The following FYN variants were observed in gnomAD, a reference collection of about 807,000 sequenced individuals.
FYN encodes the protein tyrosine-protein kinase Fyn.
In FYN, 10 loss-of-function variants were observed where a neutral mutation model predicts 70.2. The ratio of observed to expected loss-of-function variants is 0.14; its 90% CI spans 0.09 to 0.24. The LOEUF (loss-of-function observed/expected upper bound fraction) is 0.24. Ranked by LOEUF, FYN falls within the 10% of genes least tolerant of loss-of-function variation. FYN has a pLI of 1.00. For missense variants in FYN, 319 were observed against 673.1 expected (o/e 0.47, Z 5.82); for synonymous variants, 236 against 248.6 (o/e 0.95, Z 0.48).
intron 2 of FYN, among the ~76,000 whole-genome samples, chr6:111,786,147 T>C (rs1021998575): frequency 2.0e-5 from 3 of 152,102 alleles, no homozygotes; most frequent in Non-Finnish European, 4.4e-5. Context: ...GCCATGTTGG[T>C]GTGCTGCACC....
intron 2 of FYN, among the ~76,000 whole-genome samples, chr6:111,795,923 A>G (rs1344542368): frequency 6.6e-6 from 1 of 152,234 alleles, no homozygotes; most frequent in East Asian, 1.9e-4. Context: ...TAGTTAGGCA[A>G]TAAATAAGGG....
At chr6:111,762,172 C>T (rs186396243) in intron 3 of FYN, among the ~76,000 whole-genome samples, 18 of 152,270 alleles carry the variant, frequency 1.2e-4, no homozygotes, top group Admixed American at 4.6e-4. Flanking sequence ...TGGCTTTCCA[C>T]GAGCAGCAGC....
chr6:111,822,626 T>TTA (rs769160247), intron 2 of FYN, among the ~76,000 whole-genome samples: 45 of 150,596 alleles, frequency 3.0e-4, no homozygotes, highest in Admixed American at 1.1e-3. Flanking sequence ...ACTTAAAGTA[T>TTA]TATATATATA....
intron 2 of FYN, among the ~76,000 whole-genome samples, chr6:111,796,555 T>A (rs1357839147): frequency 6.6e-6 from 1 of 152,246 alleles, no homozygotes; most frequent in Non-Finnish European, 1.5e-5. Flanking sequence ...ATCCCTGTCC[T>A]GAAGCAACGC....
At chr6:111,864,199 C>T (rs1168413084) in intron 1 of FYN, among the ~76,000 whole-genome samples, 1 of 152,142 alleles carries the variant, frequency 6.6e-6, no homozygotes, top group Non-Finnish European at 1.5e-5. Flanking sequence ...AGATACTAGG[C>T]TGGGAGCTGC....
In FYN at chr6:111,661,988, C is replaced by T. The variant is rs1797752858; in HGVS notation, c.1406-41G>A. Reference sequence around the variant, plus strand: ...CAGTGAGAGTGGGCACCCCGGGGATCCAGGCCCTGACCGCCGCACTTGCAG... The same window carrying T: ...CAGTGAGAGTGGGCACCCCGGGGATTCAGGCCCTGACCGCCGCACTTGCAG... On this transcript the variant is annotated intron_variant, in intron 13 of 13. Coordinates refer to ENST00000354650, the MANE Select transcript of FYN (RefSeq NM_002037.5). The surrounding 1 kb of genome is among the most constrained non-coding windows in gnomAD (Gnocchi z 4.0). 2 of 1,524,126 alleles carry T rather than the reference C, an allele frequency of 1.3e-6. No homozygotes were observed. Among genetic ancestry groups the T allele is most frequent in the Admixed American group, 1.9e-5 (1 of 52,426 alleles). The allele number at this position is 1,524,126 out of a possible 1,614,324, so 94.4% of individuals were successfully genotyped here.
chr6:111,830,309 T>C (rs1772975585), intron 2 of FYN, among the ~76,000 whole-genome samples: 2 of 152,158 alleles, frequency 1.3e-5, no homozygotes, highest in Non-Finnish European at 2.9e-5. Flanking sequence ...GCAAGGAACC[T>C]GGAAAAATAG....
At chr6:111,707,472 GTCTTTTCAGCAC>G (rs1308679397) in intron 6 of FYN, among the ~76,000 whole-genome samples, 1 of 152,196 alleles carries the variant, frequency 6.6e-6, no homozygotes, top group Non-Finnish European at 1.5e-5. Flanking sequence ...CATAGAAGGT[GTCTTTTCAGCAC>G]TCTTTTAATA....
Position 111,708,201 on chromosome 6 carries a change from AGTCAG to A in FYN, c.345-186_345-182del, listed in dbSNP as rs200637208. The stretch of plus-strand genomic sequence containing the variant: ...GTGAAGGTCAGAAGGTTCCAGTTCG[AGTCAG>A]CCATGAGATGAACCCACAGTTGTCT... On this transcript the variant is annotated intron_variant, in intron 5 of 13. Transcript: ENST00000354650. 4,081 of 551,032 alleles carry A rather than the reference AGTCAG, an allele frequency of 7.4e-3. 34 individuals carry two copies. The highest frequency in any genetic ancestry group is 0.011 in the South Asian group (467 of 43,212). The allele number at this position is 551,032 out of a possible 1,614,324, so 34.1% of individuals were successfully genotyped here. A position where few individuals can be genotyped will look rare whatever the true frequency, so the allele number is the denominator to read the frequency against.
intron 12 of FYN, among the ~76,000 whole-genome samples, chr6:111,689,022 T>C (rs1799180752): frequency 6.6e-6 from 1 of 152,218 alleles, no homozygotes; most frequent in Non-Finnish European, 1.5e-5. Context: ...AAAAACTTTT[T>C]AGACTGTTTT....
intron 3 of FYN, among the ~76,000 whole-genome samples, chr6:111,726,285 AACTAAT>A (rs1562492897): frequency 6.6e-6 from 1 of 152,182 alleles, no homozygotes; most frequent in Non-Finnish European, 1.5e-5. Context: ...AGCAGCAGAA[AACTAAT>A]ACATGTTTTG....
intron 12 of FYN, among the ~76,000 whole-genome samples, chr6:111,678,157 G>A (rs546871624): frequency 6.9e-6 from 1 of 145,978 alleles, no homozygotes; most frequent in East Asian, 2.0e-4. Flanking sequence ...TGTGGTGTGT[G>A]TACTTGGAAG....
intron 2 of FYN, among the ~76,000 whole-genome samples, chr6:111,829,319 C>G (rs1772939159): frequency 6.6e-6 from 1 of 152,162 alleles, no homozygotes. Flanking sequence ...GATTTCTCAC[C>G]TGATGTGTGG....
At chr6:111,822,689 A>T (rs1772708046) in intron 2 of FYN, among the ~76,000 whole-genome samples, 1 of 151,594 alleles carries the variant, frequency 6.6e-6, no homozygotes, top group Admixed American at 6.6e-5. Context: ...ATAAATAATA[A>T]ATTTAAAAAA....
intron 2 of FYN, among the ~76,000 whole-genome samples, chr6:111,783,802 G>A (rs930306340): frequency 3.3e-5 from 5 of 152,314 alleles, no homozygotes; most frequent in Admixed American, 6.5e-5. Context: ...GAGTGGGGGC[G>A]GGACAGTCCA....
chr6:111,864,245 A>T (rs931761769), intron 1 of FYN, among the ~76,000 whole-genome samples: 1 of 152,170 alleles, frequency 6.6e-6, no homozygotes, highest in Non-Finnish European at 1.5e-5. Flanking sequence ...TTACAATCTC[A>T]TTAAAGAGAT....
intron 2 of FYN, among the ~76,000 whole-genome samples, chr6:111,838,286 G>A (rs1773251095): frequency 6.6e-6 from 1 of 152,180 alleles, no homozygotes; most frequent in Non-Finnish European, 1.5e-5. Flanking sequence ...TCACAGTAGT[G>A]ACTGACTAAG....
chr6:111,794,562 C>T (rs575216390), intron 2 of FYN, among the ~76,000 whole-genome samples: 1 of 152,324 alleles, frequency 6.6e-6, no homozygotes, highest in East Asian at 1.9e-4. Context: ...ATCTGGCCTG[C>T]TGCCTGCTTT....
intron 2 of FYN, among the ~76,000 whole-genome samples, chr6:111,783,058 G>A (rs566007648): frequency 2.2e-4 from 33 of 152,292 alleles, no homozygotes; most frequent in Admixed American, 1.3e-3. Context: ...TGATTGTCCA[G>A]CCTCAGCGTG....
Sources: allele counts gnomAD v4.1 joint callset (sites outside exome capture counted in the v4.1 genomes callset), GRCh38; gene constraint gnomAD v4.1.1; non-coding constraint Gnocchi (gnomAD v3.1); transcripts MANE v1.5; gene names NCBI Gene and HGNC (gene_info 2026-07-23, HGNC 2026-07-21).